The following CFAP20DC variants were observed in gnomAD, a reference collection of about 807,000 sequenced individuals.
The protein encoded by CFAP20DC is protein CFAP20DC.
In CFAP20DC, 84 loss-of-function variants were observed where a neutral mutation model predicts 101.7. The observed-to-expected ratio is 0.83, with a 90% CI of 0.69 to 0.99. CFAP20DC has a LOEUF of 0.99. Among genes scored for constraint, CFAP20DC ranks in the 50% least tolerant of loss-of-function variants. The pLI, the probability that CFAP20DC is intolerant of heterozygous loss-of-function variation, is 0.00. For missense variants in CFAP20DC, 1,007 were observed against 970.3 expected (o/e 1.04, Z -0.50); for synonymous variants, 359 against 351.2 (o/e 1.02, Z -0.25).
chr3:58,809,737 C>T (rs116383152), intron 14 of CFAP20DC, among the ~76,000 whole-genome samples: 5 of 152,034 alleles, frequency 3.3e-5, no homozygotes, highest in South Asian at 2.1e-4. Flanking sequence ...ACACAAAAAA[C>T]GCTTTCAAAA....
At chr3:58,750,053 T>C (rs2068460610) in intron 16 of CFAP20DC, among the ~76,000 whole-genome samples, 1 of 152,134 alleles carries the variant, frequency 6.6e-6, no homozygotes. Flanking sequence ...CTCTTCCTGC[T>C]GGCCGGCTGT....
rs775022353 is a variant in CFAP20DC, at chr3:58,814,821, A to T, written c.2176-8365T>A. ...ACAAGGGATGTGAAGGACCTCTTCAAGGAGAACTACAAACCACTGCTCAAG... is the reference window on the plus strand; with the variant it reads ...ACAAGGGATGTGAAGGACCTCTTCATGGAGAACTACAAACCACTGCTCAAG... On this transcript the variant is annotated intron_variant, in intron 14 of 16. Coordinates refer to ENST00000482387, the MANE Select transcript of CFAP20DC (RefSeq NM_001394063.1). Among the ~76,000 whole-genome samples, 406 of 151,072 alleles carry T rather than the reference A, an allele frequency of 2.7e-3. 5 individuals carry two copies. Among genetic ancestry groups the T allele is most frequent in the African/African-American group, 9.4e-3 (380 of 40,620 alleles).
intron 15 of CFAP20DC, among the ~76,000 whole-genome samples, chr3:58,773,303 C>T (rs2071022625): frequency 1.3e-5 from 2 of 150,880 alleles, no homozygotes; most frequent in South Asian, 2.1e-4. Flanking sequence ...GTAATCCCAG[C>T]ACTTTGGGAG....
intron 15 of CFAP20DC, among the ~76,000 whole-genome samples, chr3:58,764,066 AGACAGG>A (rs1327085972): frequency 6.6e-6 from 1 of 152,192 alleles, no homozygotes; most frequent in African/African-American, 2.4e-5. Context: ...CAAAGCTGTC[AGACAGG>A]GACATTTAAG....
intron 6 of CFAP20DC, among the ~76,000 whole-genome samples, chr3:58,902,883 T>C (rs758371277): frequency 1.3e-5 from 2 of 152,306 alleles, no homozygotes; most frequent in South Asian, 4.1e-4. Context: ...TTACTTTTAT[T>C]GTTATATTGT....
intron 15 of CFAP20DC, among the ~76,000 whole-genome samples, chr3:58,769,684 T>C (rs560307351): frequency 6.6e-6 from 1 of 152,198 alleles, no homozygotes; most frequent in Non-Finnish European, 1.5e-5. Context: ...TTGCCAGACA[T>C]GTCTCCCCTC....
chr3:58,986,588 G>C lies in CFAP20DC; in HGVS notation c.279-48826C>G, dbSNP rs186001228. Among the ~76,000 whole-genome samples, 23 of 152,272 alleles carry C rather than the reference G, an allele frequency of 1.5e-4. No homozygotes were observed. In the East Asian group the frequency reaches 1.7e-3, roughly 11 times the overall value. On this transcript the variant is annotated intron_variant, in intron 4 of 16. Transcript: ENST00000482387. ...CTCTGTCCAGGCTTTGGGTTGGGTT[G>C]AGTAAAAAGTCGACTGTGAGAAATT...
intron 4 of CFAP20DC, among the ~76,000 whole-genome samples, chr3:59,004,515 C>T (rs1334642654): frequency 6.6e-6 from 1 of 152,170 alleles, no homozygotes; most frequent in Non-Finnish European, 1.5e-5. Context: ...TGGCTTTGCA[C>T]AGATTACCAA....
At chr3:58,760,460 T>A (rs2069449037) in intron 15 of CFAP20DC, among the ~76,000 whole-genome samples, 1 of 152,174 alleles carries the variant, frequency 6.6e-6, no homozygotes, top group Non-Finnish European at 1.5e-5. Flanking sequence ...TTTCTAGATA[T>A]ACAATCATGT....
At chr3:58,867,707 T>C in intron 10 of CFAP20DC, 110 bp downstream of exon 10, 1 of 1,299,096 alleles carries the variant, frequency 7.7e-7, no homozygotes, top group South Asian at 1.3e-5. Flanking sequence ...CAGACATTTA[T>C]ATTTTAAATG....
chr3:58,812,386 T>A (rs949102372), intron 14 of CFAP20DC, among the ~76,000 whole-genome samples: 11 of 152,126 alleles, frequency 7.2e-5, no homozygotes, highest in Non-Finnish European at 1.6e-4. Context: ...TAAAAAATGA[T>A]GAGTTCATGT....
intron 5 of CFAP20DC, among the ~76,000 whole-genome samples, chr3:58,933,420 A>G (rs1226632638): frequency 5.2e-4 from 78 of 150,174 alleles, no homozygotes; most frequent in African/African-American, 1.9e-3. Context: ...CACCAAGCGG[A>G]CCTAATAGAC....
rs809466 is a variant in CFAP20DC at position 58,815,215 on chromosome 3, C to T, written c.2176-8759G>A. On this transcript the variant is annotated intron_variant, in intron 14 of 16. Coordinates refer to ENST00000482387, the MANE Select transcript of CFAP20DC (RefSeq NM_001394063.1). Reference sequence around the variant, plus strand: ...CAGAAATAACGCTGCATATCTACAACTATCTAATCTTTGACAAACCTGAGA... The same window carrying T: ...CAGAAATAACGCTGCATATCTACAATTATCTAATCTTTGACAAACCTGAGA... 5.9e-5 allele frequency among the ~76,000 whole-genome samples: 9 copies of T among 151,738 alleles called. No homozygotes were observed. The East Asian group carries it at 1.8e-3, about 30-fold the overall frequency.
chr3:58,877,255 G>A (rs2080828937), intron 7 of CFAP20DC, among the ~76,000 whole-genome samples: 1 of 152,178 alleles, frequency 6.6e-6, no homozygotes, highest in Non-Finnish European at 1.5e-5. Flanking sequence ...TGTAAGACAG[G>A]GAGTAAGGTG....
rs2079251797 is a variant in CFAP20DC, at chr3:58,861,577, A to C, written c.1593+1981T>G. ...AATTTTGTTAAGAAGGTATCATTAC[A>C]CATGCTAAAACTTGTTTAAATATAG... On this transcript the variant is annotated intron_variant, in intron 12 of 16. Transcript: ENST00000482387. This position sits in a 1 kb window ranked among gnomAD's most constrained non-coding sequence, Gnocchi z 4.0. 1 of 985,020 alleles carries C rather than the reference A, an allele frequency of 1.0e-6. No individual in the cohort carries two copies. Among genetic ancestry groups the C allele is most frequent in the Non-Finnish European group, 1.2e-6 (1 of 829,616 alleles). 61.0% of individuals were successfully genotyped at this position (985,020 alleles called of 1,614,324 possible).
intron 14 of CFAP20DC, among the ~76,000 whole-genome samples, chr3:58,808,169 A>G (rs576322872): frequency 1.3e-5 from 2 of 152,354 alleles, no homozygotes; most frequent in Admixed American, 6.5e-5. Flanking sequence ...AACTTCCCCA[A>G]TCTAGCAAGG....
At chr3:58,910,232 T>G (rs892323053) in intron 6 of CFAP20DC, among the ~76,000 whole-genome samples, 2 of 152,182 alleles carry the variant, frequency 1.3e-5, no homozygotes, top group African/African-American at 4.8e-5. Context: ...TGAAATTTTC[T>G]GTTTCTTGAA....
Position 58,863,821 on chromosome 3 carries a change from C to T in CFAP20DC, c.1330G>A (p.Gly444Ser). The T allele has an allele frequency of 4.3e-6, 7 of 1,614,084 alleles. No individual in the cohort carries two copies. The highest frequency in any genetic ancestry group is 5.9e-6 in the Non-Finnish European group (7 of 1,180,004). The change falls in exon 12 of 17, where the codon GGT becomes AGT. Residue 444 changes from glycine to serine, a missense_variant. Coordinates refer to ENST00000482387, the MANE Select transcript of CFAP20DC (RefSeq NM_001394063.1). This position sits in a 1 kb window ranked among gnomAD's most constrained non-coding sequence, Gnocchi z 5.9. Reference protein sequence around the residue: ...LASSRQSLLLGDDSCNPSHLW... With the variant: ...LASSRQSLLLSDDSCNPSHLW... ...TGTGATGGGTTGCAGGAGTCATCAC[C>T]CAGAAGTAGAGACTGTCTGCTGGAT...
chr3:58,980,002 C>T (rs1428672333), intron 4 of CFAP20DC, among the ~76,000 whole-genome samples: 2 of 152,122 alleles, frequency 1.3e-5, no homozygotes, highest in African/African-American at 4.8e-5. Context: ...GATCGATTAG[C>T]ACTGTTTGCC....
Sources: allele counts gnomAD v4.1 joint callset (sites outside exome capture counted in the v4.1 genomes callset), GRCh38; gene constraint gnomAD v4.1.1; non-coding constraint Gnocchi (gnomAD v3.1); transcripts MANE v1.5; gene names NCBI Gene and HGNC (gene_info 2026-07-23, HGNC 2026-07-21).